Variants in SEPTIN10 observed in about 807,000 individuals in gnomAD.
SEPTIN10 encodes septin 10.
A neutral mutation model predicts 54.8 loss-of-function variants in SEPTIN10; 66 were observed. The observed-to-expected ratio is 1.21, with a 90% CI of 0.99 to 1.48. SEPTIN10 has a LOEUF of 1.48. SEPTIN10 is among the 40% of genes most tolerant of loss of function. The pLI is 0.00. For synonymous variants in SEPTIN10, 161 were observed against 181.0 expected, an observed-to-expected ratio of 0.89 and a Z score of 0.89; for missense variants, 620 against 545.6, an observed-to-expected ratio of 1.14 and a Z score of -1.36.
chr2:109,570,591 G>T (rs1688130294), intron 5 of SEPTIN10, among the ~76,000 whole-genome samples: 1 of 150,940 alleles, frequency 6.6e-6, no homozygotes, highest in Non-Finnish European at 1.5e-5. Flanking sequence ...GTGGCGTGAT[G>T]TTGGCTCACT....
chr2:109,567,955 CA>C lies in SEPTIN10; in HGVS notation c.621del (p.Ile207MetfsTer20). 3.7e-6 allele frequency: 6 copies of C among 1,611,638 alleles called. No homozygotes were observed. Among genetic ancestry groups the C allele is most frequent in the Non-Finnish European group, 5.1e-6 (6 of 1,179,286 alleles). On this transcript the variant is annotated frameshift_variant, in exon 6 of 11. Transcript: ENST00000397712. LOFTEE classifies it high-confidence loss of function. Reference protein sequence around the residue: ...LDSKVNIIPVIAKADTVSKTE... With the variant: ...LDSKVNIIPVXAKADTVSKTE... ...GTTTTAGAAACCGTATCTGCTTTGG[CA>C]ATCACTGGTATAATGTTTACCTATT...
intron 2 of SEPTIN10, among the ~76,000 whole-genome samples, chr2:109,592,662 C>A (rs1353218781): frequency 6.6e-6 from 1 of 151,086 alleles, no homozygotes; most frequent in East Asian, 1.9e-4. Flanking sequence ...CACCTGTGAT[C>A]CCAGCTACTC....
chr2:109,564,066 T>C (rs528458700), intron 8 of SEPTIN10: 5 of 289,552 alleles, frequency 1.7e-5, no homozygotes, highest in Non-Finnish European at 3.2e-5. Flanking sequence ...AATCAAATAA[T>C]GAGGGTATTT....
At chr2:109,587,469 A>G (rs1205395098) in intron 2 of SEPTIN10, among the ~76,000 whole-genome samples, 7 of 152,084 alleles carry the variant, frequency 4.6e-5, no homozygotes, top group Admixed American at 4.6e-4. Flanking sequence ...GGAGGGAGGG[A>G]AAAAAATATC....
intron 4 of SEPTIN10, among the ~76,000 whole-genome samples, chr2:109,576,870 T>G (rs1382263083): frequency 6.6e-6 from 1 of 152,142 alleles, no homozygotes; most frequent in Admixed American, 6.5e-5. Context: ...ATATATTTCA[T>G]CAAAGTTTTC....
chr2:109,606,160 T>C (rs1169232816), intron 1 of SEPTIN10, among the ~76,000 whole-genome samples: 5 of 152,250 alleles, frequency 3.3e-5, no homozygotes, highest in African/African-American at 7.2e-5. Context: ...CTCATGCCTG[T>C]AATCCCAGCA....
intron 9 of SEPTIN10, among the ~76,000 whole-genome samples, chr2:109,547,487 G>GA (rs1223870392): frequency 1.3e-5 from 2 of 150,082 alleles, no homozygotes; most frequent in Non-Finnish European, 3.0e-5. Context: ...TCTCTTAAGT[G>GA]AAAAAAGCAG....
At chr2:109,609,069 C>A (rs1471427466) in intron 1 of SEPTIN10, among the ~76,000 whole-genome samples, 1 of 152,160 alleles carries the variant, frequency 6.6e-6, no homozygotes, top group Non-Finnish European at 1.5e-5. Context: ...ATCAATTAAT[C>A]CAAACATAAC....
chr2:109,563,674 T>TTA (rs1686222245), intron 8 of SEPTIN10, among the ~76,000 whole-genome samples: 1 of 152,344 alleles, frequency 6.6e-6, no homozygotes, highest in South Asian at 2.1e-4. Context: ...TCTAAAATTC[T>TTA]TATAACTACA....
intron 1 of SEPTIN10, among the ~76,000 whole-genome samples, chr2:109,611,442 T>G (rs1315920409): frequency 6.6e-6 from 1 of 151,558 alleles, no homozygotes; most frequent in Non-Finnish European, 1.5e-5. Context: ...GAGAAAGGAC[T>G]GGAATCTAGT....
At chr2:109,548,565 C>G (rs1573372627) in intron 9 of SEPTIN10, among the ~76,000 whole-genome samples, 1 of 152,024 alleles carries the variant, frequency 6.6e-6, no homozygotes, top group African/African-American at 2.4e-5. Flanking sequence ...TGCCTGAGCT[C>G]AGGAGTTCAA....
chr2:109,576,801 A>G (rs1013333248), intron 4 of SEPTIN10, among the ~76,000 whole-genome samples: 15 of 152,206 alleles, frequency 9.9e-5, no homozygotes, highest in Admixed American at 7.9e-4. Context: ...AAAGATAAAA[A>G]ATATGAATCA....
chr2:109,556,140 A>G (rs1684320929), intron 8 of SEPTIN10, among the ~76,000 whole-genome samples: 1 of 152,220 alleles, frequency 6.6e-6, no homozygotes, highest in East Asian at 1.9e-4. Flanking sequence ...TAACCAGCAG[A>G]GAAAGGACTA....
intron 4 of SEPTIN10, among the ~76,000 whole-genome samples, chr2:109,582,436 C>T (rs1468835678): frequency 2.0e-5 from 3 of 152,134 alleles, no homozygotes; most frequent in Admixed American, 6.6e-5. Context: ...AGTCCCACTT[C>T]AGCCTCCCGA....
chr2:109,548,515 T>G (rs1681923742), intron 9 of SEPTIN10, among the ~76,000 whole-genome samples: 1 of 152,002 alleles, frequency 6.6e-6, no homozygotes, highest in Non-Finnish European at 1.5e-5. Context: ...CCAAGTTGTC[T>G]AGAAAGGGGG....
chr2:109,556,180 C>T lies in SEPTIN10; in HGVS notation c.1029-2961G>A, dbSNP rs534224737. On this transcript the variant is annotated intron_variant, in intron 8 of 10. Coordinates refer to ENST00000397712, the MANE Select transcript of SEPTIN10 (RefSeq NM_144710.5). ...GGAACTCTACCAGTAGCTGCCCTTT[C>T]CTATGTGTAGAATTTTGGAGGTATA... Among the ~76,000 whole-genome samples the T allele has an allele frequency of 3.3e-5, 5 of 152,280 alleles. No homozygotes were observed. In the South Asian group the frequency reaches 1.0e-3, roughly 32 times the overall value.
chr2:109,597,577 C>CAAGTTG (rs1695587816), intron 1 of SEPTIN10, among the ~76,000 whole-genome samples: 1 of 149,416 alleles, frequency 6.7e-6, no homozygotes, highest in South Asian at 2.2e-4. Context: ...CCTTTGACTA[C>CAAGTTG]ACAGTCAATT....
intron 3 of SEPTIN10, among the ~76,000 whole-genome samples, 174 bp from the exon 4 acceptor site, chr2:109,585,495 G>T (rs930937232): frequency 6.6e-6 from 1 of 152,166 alleles, no homozygotes; most frequent in Non-Finnish European, 1.5e-5. Flanking sequence ...TAGAGTAAGT[G>T]TGCTAAGCTA....
At chr2:109,606,164 C>T (rs1697892786) in intron 1 of SEPTIN10, among the ~76,000 whole-genome samples, 1 of 152,164 alleles carries the variant, frequency 6.6e-6, no homozygotes, top group Non-Finnish European at 1.5e-5. Context: ...TGCCTGTAAT[C>T]CCAGCACTTT....
Sources: gnomAD v4.1 joint callset for allele counts (sites outside exome capture counted in the v4.1 genomes callset) on GRCh38, gnomAD v4.1.1 for gene constraint, MANE v1.5 for transcripts, NCBI Gene and HGNC (gene_info 2026-07-23, HGNC 2026-07-21) for gene names.